The following GPC5 variants were observed in gnomAD, a reference collection of about 807,000 sequenced individuals.
GPC5 encodes glypican-5.
Under a neutral mutation model 53.9 loss-of-function variants are expected in GPC5, and 47 were observed. The observed-to-expected ratio is 0.87, with a 90% CI of 0.69 to 1.11. GPC5 has a LOEUF of 1.11. Ranked by LOEUF, GPC5 falls within the 50% of genes most tolerant of loss-of-function variation. The pLI is 0.00. For synonymous variants in GPC5, 286 were observed against 263.3 expected, an observed-to-expected ratio of 1.09 and a Z score of -0.84; for missense variants, 748 against 713.1, an observed-to-expected ratio of 1.05 and a Z score of -0.56.
At position 91,621,761 on chromosome 13, in the gene GPC5, T is replaced by TATATATATATATATATATATATATATATA. The variant is rs11462875; in HGVS notation, c.326-71426_326-71425insATATATATATATATATATATATATATATA. 3.6e-4 allele frequency among the ~76,000 whole-genome samples: 17 copies of TATATATATATATATATATATATATATATA among 46,866 alleles called. 5 individuals are homozygous for TATATATATATATATATATATATATATATA. Among genetic ancestry groups the TATATATATATATATATATATATATATATA allele is most frequent in the East Asian group, 1.5e-3 (2 of 1,374 alleles). The allele number at this position is 46,866 out of a possible 152,430, so 30.7% of individuals were successfully genotyped here. ...CAGGGTTCTCTAAAGGGACAGAACATTATATATATATATATATATATATAT... is the reference window on the plus strand; with the variant it reads ...CAGGGTTCTCTAAAGGGACAGAACATATATATATATATATATATATATATATATATATATATATATATATATATATATAT... On this transcript the variant is annotated intron_variant, in intron 2 of 7. Coordinates refer to ENST00000377067, the MANE Select transcript of GPC5 (RefSeq NM_004466.6).
At chr13:91,491,484 C>T (rs1883940103) in intron 2 of GPC5, among the ~76,000 whole-genome samples, 1 of 152,216 alleles carries the variant, frequency 6.6e-6, no homozygotes, top group African/African-American at 2.4e-5. Flanking sequence ...TAATATTCCA[C>T]TAACCACATT....
At chr13:92,707,105 G>A (rs1169474129) in intron 7 of GPC5, among the ~76,000 whole-genome samples, 1 of 146,834 alleles carries the variant, frequency 6.8e-6, no homozygotes, top group Admixed American at 6.7e-5. Context: ...AGAACTATAT[G>A]ACATACATGG....
chr13:92,359,968 C>G (rs960564653), intron 7 of GPC5, among the ~76,000 whole-genome samples: 23 of 151,610 alleles, frequency 1.5e-4, no homozygotes, highest in Admixed American at 6.6e-5. Context: ...CTTATAGGTG[C>G]TGGATATTAG....
At chr13:92,115,635 A>G (rs1332826084) in intron 6 of GPC5, among the ~76,000 whole-genome samples, 1 of 152,186 alleles carries the variant, frequency 6.6e-6, no homozygotes, top group Non-Finnish European at 1.5e-5. Context: ...CCTTCAAAGG[A>G]AGTCATCCAG....
chr13:92,830,802 G>A (rs1878020750), intron 7 of GPC5, among the ~76,000 whole-genome samples: 2 of 152,114 alleles, frequency 1.3e-5, no homozygotes, highest in African/African-American at 4.8e-5. Context: ...AATTCTGCAA[G>A]TATCAACCGC....
chr13:92,170,118 A>G (rs1167927938), intron 7 of GPC5, among the ~76,000 whole-genome samples: 3 of 151,988 alleles, frequency 2.0e-5, no homozygotes, highest in Non-Finnish European at 4.4e-5. Context: ...GATAAAACTA[A>G]CATATTGAAA....
intron 1 of GPC5, among the ~76,000 whole-genome samples, chr13:91,406,890 A>G (rs1264180440): frequency 6.6e-6 from 1 of 152,190 alleles, no homozygotes; most frequent in Admixed American, 6.5e-5. Context: ...TAGCCTTGAC[A>G]TCCTGAAACT....
intron 7 of GPC5, among the ~76,000 whole-genome samples, chr13:92,737,283 T>C (rs1258199096): frequency 6.6e-6 from 1 of 151,994 alleles, no homozygotes; most frequent in Admixed American, 6.6e-5. Context: ...GCAGTCAAAA[T>C]AGTTCAGAAA....
chr13:91,415,634 T>C (rs1410177326), intron 1 of GPC5, among the ~76,000 whole-genome samples: 1 of 152,094 alleles, frequency 6.6e-6, no homozygotes, highest in East Asian at 1.9e-4. Flanking sequence ...TTCAAATTTG[T>C]TTTGCTACTT....
At chr13:92,375,489 A>T (rs190588104) in intron 7 of GPC5, among the ~76,000 whole-genome samples, 1 of 152,306 alleles carries the variant, frequency 6.6e-6, no homozygotes, top group East Asian at 1.9e-4. Context: ...AACCTCATGG[A>T]GAATAGAAGC....
intron 6 of GPC5, among the ~76,000 whole-genome samples, chr13:91,983,310 C>A (rs1376207898): frequency 6.6e-6 from 1 of 150,938 alleles, no homozygotes; most frequent in Non-Finnish European, 1.5e-5. Flanking sequence ...AGCGCCACTG[C>A]ACTTCAGCCT....
At chr13:92,265,023 C>G (rs1409628670) in intron 7 of GPC5, among the ~76,000 whole-genome samples, 2 of 151,496 alleles carry the variant, frequency 1.3e-5, no homozygotes, top group African/African-American at 2.4e-5. Flanking sequence ...CCCATGAGCA[C>G]CTTTCTGAAA....
chr13:92,003,743 TAAAG>T (rs2040578677), intron 6 of GPC5, among the ~76,000 whole-genome samples: 1 of 152,192 alleles, frequency 6.6e-6, no homozygotes, highest in Admixed American at 6.5e-5. Flanking sequence ...AGCATAAAAA[TAAAG>T]AAATAACAGC....
At chr13:91,462,488 T>A (rs1330800208) in intron 2 of GPC5, among the ~76,000 whole-genome samples, 1 of 152,118 alleles carries the variant, frequency 6.6e-6, no homozygotes, top group African/African-American at 2.4e-5. Flanking sequence ...GAAGGGCAAT[T>A]TTTATTTTGG....
intron 6 of GPC5, among the ~76,000 whole-genome samples, chr13:92,136,614 T>C (rs2041786440): frequency 1.3e-5 from 2 of 152,176 alleles, no homozygotes; most frequent in Non-Finnish European, 2.9e-5. Flanking sequence ...TTCTCATATA[T>C]CTGTGTAAAT....
intron 6 of GPC5, among the ~76,000 whole-genome samples, chr13:91,939,579 A>G (rs2039905705): frequency 6.6e-6 from 1 of 152,200 alleles, no homozygotes; most frequent in Non-Finnish European, 1.5e-5. Context: ...CATAGAGTTC[A>G]TGTAAATTAT....
intron 2 of GPC5, among the ~76,000 whole-genome samples, chr13:91,601,578 T>A (rs2033182724): frequency 6.6e-6 from 1 of 152,024 alleles, no homozygotes; most frequent in Admixed American, 6.6e-5. Flanking sequence ...GAGCTCCACC[T>A]CCTGTCAGAT....
chr13:92,821,866 A>G (rs1241679510), intron 7 of GPC5, among the ~76,000 whole-genome samples: 7 of 152,188 alleles, frequency 4.6e-5, no homozygotes, highest in African/African-American at 1.7e-4. Flanking sequence ...TGAGCTCACA[A>G]AAGATGTTAT....
intron 7 of GPC5, among the ~76,000 whole-genome samples, chr13:92,459,768 G>A (rs183925060): frequency 2.0e-5 from 3 of 152,088 alleles, no homozygotes; most frequent in Admixed American, 2.0e-4. Flanking sequence ...ACCTATGTCA[G>A]CAACTTGTTT....
Sources: gnomAD v4.1 joint callset for allele counts (sites outside exome capture counted in the v4.1 genomes callset) on GRCh38, gnomAD v4.1.1 for gene constraint, MANE v1.5 for transcripts, NCBI Gene and HGNC (gene_info 2026-07-23, HGNC 2026-07-21) for gene names.